ASTN2: variants seen among roughly 807,000 people sequenced by gnomAD.
ASTN2 encodes the protein astrotactin-2.
A neutral mutation model predicts 139.8 loss-of-function variants in ASTN2; 54 were observed. The observed-to-expected ratio is 0.39, with a 90% confidence interval of 0.31 to 0.48. The LOEUF (loss-of-function observed/expected upper bound fraction) is 0.48, where lower values mean the gene tolerates loss of function less well. Ranked by LOEUF, ASTN2 falls within the 20% of genes least tolerant of loss-of-function variation. The pLI, the probability that ASTN2 is intolerant of heterozygous loss-of-function variation, is 0.95. For synonymous variants in ASTN2, 756 were observed against 719.5 expected (o/e 1.05, Z -0.81); for missense variants, 1,565 against 1,725.1 (o/e 0.91, Z 1.64).
chr9:116,525,373 C>T (rs533061133), intron 19 of ASTN2, among the ~76,000 whole-genome samples: 29 of 152,284 alleles, frequency 1.9e-4, no homozygotes, highest in African/African-American at 6.0e-4. Flanking sequence ...CCCAACAGAG[C>T]GTAGGCTGCA....
intron 11 of ASTN2, among the ~76,000 whole-genome samples, chr9:116,856,784 G>A (rs1832751828): frequency 6.6e-6 from 1 of 152,194 alleles, no homozygotes; most frequent in Non-Finnish European, 1.5e-5. Context: ...AAAAGATGGG[G>A]CAGAGGCGGC....
intron 7 of ASTN2, among the ~76,000 whole-genome samples, chr9:116,999,472 C>T (rs1311293211): frequency 6.6e-6 from 1 of 150,876 alleles, no homozygotes; most frequent in African/African-American, 2.4e-5. Flanking sequence ...AAATTTGTGG[C>T]AAAGTTGACA....
intron 1 of ASTN2, among the ~76,000 whole-genome samples, chr9:117,321,501 G>T (rs898038536): frequency 5.3e-5 from 8 of 152,124 alleles, no homozygotes; most frequent in African/African-American, 1.7e-4. Flanking sequence ...ATAAATTCAG[G>T]CTAAGGTATA....
chr9:117,337,496 G>T (rs1828924261), intron 1 of ASTN2, among the ~76,000 whole-genome samples: 1 of 152,148 alleles, frequency 6.6e-6, no homozygotes, highest in Non-Finnish European at 1.5e-5. Context: ...TGCAAGCATT[G>T]TTCTTTTCAT....
At chr9:116,973,246 A>C (rs1836259799) in intron 10 of ASTN2, among the ~76,000 whole-genome samples, 1 of 152,214 alleles carries the variant, frequency 6.6e-6, no homozygotes, top group Non-Finnish European at 1.5e-5. Context: ...CTGATGTAAG[A>C]ATGTAATAAT....
intron 7 of ASTN2, among the ~76,000 whole-genome samples, chr9:116,980,980 G>A (rs1836497331): frequency 6.6e-6 from 1 of 152,060 alleles, no homozygotes; most frequent in Non-Finnish European, 1.5e-5. Flanking sequence ...TATAGGGATA[G>A]GGAACTCCCT....
chr9:116,835,384 G>C (rs1831951940), intron 11 of ASTN2, among the ~76,000 whole-genome samples: 1 of 152,124 alleles, frequency 6.6e-6, no homozygotes, highest in South Asian at 2.1e-4. Context: ...CTGCAAAGCT[G>C]TTCTTTGTAG....
chr9:117,287,438 G>T (rs1981126), intron 2 of ASTN2, among the ~76,000 whole-genome samples: 1 of 151,924 alleles, frequency 6.6e-6, no homozygotes, highest in South Asian at 2.1e-4. Context: ...GAAAATGGTG[G>T]CCTGTTATAT....
intron 7 of ASTN2, among the ~76,000 whole-genome samples, chr9:116,983,132 C>G (rs1836558977): frequency 6.6e-6 from 1 of 152,206 alleles, no homozygotes; most frequent in South Asian, 2.1e-4. Context: ...CTTATTTGCT[C>G]TTCTTGTCAC....
chr9:117,097,683 C>A (rs1828873244), intron 4 of ASTN2, among the ~76,000 whole-genome samples: 1 of 152,078 alleles, frequency 6.6e-6, no homozygotes, highest in Non-Finnish European at 1.5e-5. Context: ...AATCAAGCAC[C>A]ATGCAAACCT....
chr9:116,475,008 C>T (rs1302693453), intron 20 of ASTN2, among the ~76,000 whole-genome samples: 2 of 152,208 alleles, frequency 1.3e-5, no homozygotes, highest in African/African-American at 2.4e-5. Context: ...TCTGCCTTGA[C>T]TATGATGCCA....
At chr9:116,936,066 T>C (rs1432373701) in intron 10 of ASTN2, among the ~76,000 whole-genome samples, 1 of 316 alleles carries the variant, frequency 3.2e-3, no homozygotes, top group East Asian at 0.1. Context: ...GCAACTAACA[T>C]CATCACCACC....
At chr9:116,543,611 A>C (rs1336596486) in intron 19 of ASTN2, 3 of 152,180 alleles carry the variant, frequency 2.0e-5, no homozygotes, top group Non-Finnish European at 4.4e-5. Context: ...TGAACCAGTG[A>C]TCCCTTTCAA....
chr9:117,221,225 A>G (rs1043906319), intron 2 of ASTN2, among the ~76,000 whole-genome samples: 1 of 152,108 alleles, frequency 6.6e-6, no homozygotes, highest in Admixed American at 6.5e-5. Flanking sequence ...TGGTTTTCTT[A>G]CGTACACAAC....
chr9:116,581,829 G>A (rs1324552270), intron 19 of ASTN2: 9 of 152,210 alleles, frequency 5.9e-5, no homozygotes, highest in Non-Finnish European at 1.2e-4. Flanking sequence ...AGCCCTTGTA[G>A]GAGTTTAAGT....
At chr9:117,253,624 A>C (rs1833600200) in intron 2 of ASTN2, among the ~76,000 whole-genome samples, 1 of 152,152 alleles carries the variant, frequency 6.6e-6, no homozygotes, top group Non-Finnish European at 1.5e-5. Flanking sequence ...TCACATCTCT[A>C]AAACAAGCAG....
chr9:117,381,259 G>T (rs560396090), intron 1 of ASTN2, among the ~76,000 whole-genome samples: 31 of 152,274 alleles, frequency 2.0e-4, no homozygotes, highest in Admixed American at 3.3e-4. Flanking sequence ...ATGGTTGTGG[G>T]GTTTCTTTGG....
rs537061404 is a variant in ASTN2, at chr9:116,701,668, C to G, written c.2806+24103G>C. Among the ~76,000 whole-genome samples the G allele has an allele frequency of 7.5e-4, 114 of 152,284 alleles. 1 individual carries two copies. The highest frequency in any genetic ancestry group is 2.6e-3 in the African/African-American group (110 of 41,556). Reference sequence around the variant, plus strand: ...GACATTCAGCATTTAGATCTCTACCCATCTAAACCAGTCATGCCTTTTCCC... The same window carrying G: ...GACATTCAGCATTTAGATCTCTACCGATCTAAACCAGTCATGCCTTTTCCC... On this transcript the variant is annotated intron_variant, in intron 16 of 22. Coordinates refer to ENST00000313400, the MANE Select transcript of ASTN2 (RefSeq NM_001365068.1).
At chr9:116,534,769 C>T (rs567513355) in intron 19 of ASTN2, among the ~76,000 whole-genome samples, 9 of 152,256 alleles carry the variant, frequency 5.9e-5, no homozygotes, top group African/African-American at 2.2e-4. Context: ...CTGAGGAGTG[C>T]TTTACTTCCA....
Sources: allele counts gnomAD v4.1 joint callset (sites outside exome capture counted in the v4.1 genomes callset), GRCh38; gene constraint gnomAD v4.1.1; transcripts MANE v1.5; gene names NCBI Gene and HGNC (gene_info 2026-07-23, HGNC 2026-07-21).